The following COL8A2 variants were observed in gnomAD, a reference collection of about 807,000 sequenced individuals.
The protein encoded by COL8A2 is collagen alpha-2(VIII) chain.
In COL8A2, 16 loss-of-function variants were observed where a neutral mutation model predicts 24.0. The observed-to-expected ratio is 0.67, with a 90% CI of 0.45 to 1.01. COL8A2 has a LOEUF of 1.01. Ranked by LOEUF, COL8A2 falls within the 50% of genes least tolerant of loss-of-function variation. The pLI, the probability that COL8A2 is intolerant of heterozygous loss-of-function variation, is 0.00. For synonymous variants in COL8A2, 466 were observed against 424.5 expected (o/e 1.10, Z -1.20); for missense variants, 818 against 942.4 (o/e 0.87, Z 1.73).
chr1:36,099,804 G>A (rs565499057), intron 3 of COL8A2, among the ~76,000 whole-genome samples: 2 of 152,296 alleles, frequency 1.3e-5, no homozygotes, highest in East Asian at 3.9e-4. Flanking sequence ...GCCCACCTTA[G>A]AGCCCGTGGG....
At position 36,115,553 on chromosome 1, in the gene COL8A2, G is replaced by A. The variant is rs529622306; in HGVS notation, c.-17+155C>T. ...AGGGTTTTAAAGCCCGGGCTGCAGG[G>A]AGCTGAGGTCACATACAAAAGGGGT... is the stretch of plus-strand genomic sequence containing the variant. On this transcript the variant is annotated intron_variant, in intron 2 of 3. Coordinates refer to ENST00000397799, the MANE Select transcript of COL8A2 (RefSeq NM_005202.4). The surrounding 1 kb of genome is among the most constrained non-coding windows in gnomAD (Gnocchi z 5.7). Among the ~76,000 whole-genome samples, 6 of 152,322 alleles carry A rather than the reference G, an allele frequency of 3.9e-5. No individual in the cohort carries two copies. The East Asian group carries it at 9.6e-4, about 24-fold the overall frequency.
intron 1 of COL8A2, among the ~76,000 whole-genome samples, chr1:36,117,663 T>C (rs952881105): frequency 6.6e-6 from 1 of 152,116 alleles, no homozygotes; most frequent in Non-Finnish European, 1.5e-5. Flanking sequence ...ATCTTCCCTT[T>C]TTACAGATGA....
chr1:36,106,277 A>AC (rs1253134410), intron 2 of COL8A2, among the ~76,000 whole-genome samples: 14 of 150,040 alleles, frequency 9.3e-5, no homozygotes, highest in Admixed American at 9.3e-4. Flanking sequence ...AAAAACAACA[A>AC]AAAAAAAAAC....
Position 36,097,487 on chromosome 1 carries a change from T to C in COL8A2, c.*82A>G. The C allele has an allele frequency of 8.3e-7, 1 of 1,204,810 alleles. No individual in the cohort carries two copies. The highest frequency in any genetic ancestry group is 2.9e-4 in the Middle Eastern group (1 of 3,424). The allele number at this position is 1,204,810 out of a possible 1,614,324, so 74.6% of individuals were successfully genotyped here. A position where few individuals can be genotyped will look rare whatever the true frequency, so the allele number is the denominator to read the frequency against. On this transcript the variant is annotated 3_prime_UTR_variant, in exon 4 of 4. Transcript: ENST00000397799. ...GCCTCTGTTCAGCTTTTGTTTTTTT[T>C]TCCAGGAGGTTCTTTGTAATTGAAA...
In COL8A2 at chr1:36,123,647, C is replaced by T. The variant is rs983843414; in HGVS notation, c.-62+1410G>A. Among the ~76,000 whole-genome samples the T allele has an allele frequency of 1.3e-5, 2 of 151,972 alleles. No individual in the cohort carries two copies. The highest frequency in any genetic ancestry group is 2.1e-4 in the South Asian group (1 of 4,812). On this transcript the variant is annotated intron_variant, in intron 1 of 3. Transcript: ENST00000397799. The surrounding 1 kb of genome is among the most constrained non-coding windows in gnomAD (Gnocchi z 4.1). Reference sequence around the variant, plus strand: ...GAGTTTGGGTGTGTGTGCATGTGTCCGCCTGTGTCTTGTGGTGGTGTATGT... The same window carrying T: ...GAGTTTGGGTGTGTGTGCATGTGTCTGCCTGTGTCTTGTGGTGGTGTATGT...
chr1:36,102,958 C>G (rs577876753), intron 2 of COL8A2, among the ~76,000 whole-genome samples: 1 of 152,136 alleles, frequency 6.6e-6, no homozygotes, highest in Non-Finnish European at 1.5e-5. Context: ...CAGGCATGAG[C>G]CACTGCACCC....
At chr1:36,102,677 T>TG (rs1462724797) in intron 2 of COL8A2, among the ~76,000 whole-genome samples, 3 of 136,692 alleles carry the variant, frequency 2.2e-5, no homozygotes, top group East Asian at 2.0e-4. Flanking sequence ...TTTTGTTTTT[T>TG]TTTTTTTTTT....
chr1:36,105,559 G>A (rs549759005), intron 2 of COL8A2, among the ~76,000 whole-genome samples: 5 of 152,316 alleles, frequency 3.3e-5, no homozygotes, highest in African/African-American at 7.2e-5. Flanking sequence ...CTGACCCACC[G>A]GGGAATGCTG....
intron 1 of COL8A2, among the ~76,000 whole-genome samples, chr1:36,122,291 C>T (rs1215505047): frequency 6.6e-6 from 1 of 152,174 alleles, no homozygotes; most frequent in Non-Finnish European, 1.5e-5. Context: ...ATCTGTCTGA[C>T]TCCCAATGCC....
In COL8A2 at chr1:36,123,795, C is replaced by T. The variant is rs549661287; in HGVS notation, c.-62+1262G>A. Among the ~76,000 whole-genome samples the T allele has an allele frequency of 6.6e-6, 1 of 152,230 alleles. No homozygotes were observed. Among genetic ancestry groups the T allele is most frequent in the Admixed American group, 6.5e-5 (1 of 15,290 alleles). ...GGTGAGCATGTCTGTGGTTTCTCCT[C>T]ATTATCATCTAGGGTCATTGTGTGT... On this transcript the variant is annotated intron_variant, in intron 1 of 3. Coordinates refer to ENST00000397799, the MANE Select transcript of COL8A2 (RefSeq NM_005202.4). The surrounding 1 kb of genome is among the most constrained non-coding windows in gnomAD (Gnocchi z 4.1).
chr1:36,101,596 C>T (rs1259450917), intron 2 of COL8A2, among the ~76,000 whole-genome samples: 1 of 152,170 alleles, frequency 6.6e-6, no homozygotes, highest in East Asian at 1.9e-4. Flanking sequence ...TCTCCTCATC[C>T]ATGAAATGAG....
intron 2 of COL8A2, among the ~76,000 whole-genome samples, chr1:36,104,534 G>A (rs924344187): frequency 6.6e-6 from 1 of 150,904 alleles, no homozygotes; most frequent in Non-Finnish European, 1.5e-5. Context: ...TAGGCTGGAC[G>A]CGGTGGCTCA....
rs994038680 is a variant in COL8A2 at position 36,096,741 on chromosome 1, T to C, written c.*828A>G. On this transcript the variant is annotated 3_prime_UTR_variant, in exon 4 of 4. Transcript: ENST00000397799. ...TGCCTCCGCCACCATCTGCACTAGA[T>C]ACTTCTAGACACTTCACAGAGGTTG... is the stretch of plus-strand genomic sequence containing the variant. The C allele has an allele frequency of 1.3e-5, 2 of 152,276 alleles. No homozygotes were observed. The highest frequency in any genetic ancestry group is 6.5e-5 in the Admixed American group (1 of 15,282). The allele number at this position is 152,276 out of a possible 1,614,324, so 9.4% of individuals were successfully genotyped here.
In COL8A2 at chr1:36,098,301, A is replaced by G. The variant is rs1208991760; in HGVS notation, c.1380T>C (p.Gly460=). 1.3e-6 allele frequency: 2 copies of G among 1,546,244 alleles called. No individual in the cohort carries two copies. The highest frequency in any genetic ancestry group is 2.0e-5 in the Admixed American group (1 of 51,000). The part of the protein sequence containing the change: ...LGLPGQPGLR[G]PSGIPGLQGP... ...CCTGGAGTCCTGGGATTCCTGAGGG[A>G]CCCCTCAGGCCAGGCTGCCCAGGGA... The change falls in exon 4 of 4, where the codon GGT becomes GGC. Residue 460 remains glycine (G), a synonymous_variant. Coordinates refer to ENST00000397799, the MANE Select transcript of COL8A2 (RefSeq NM_005202.4).
Position 36,100,150 on chromosome 1 carries a change from C to G in COL8A2, c.93G>C (p.Gly31=). 1 of 1,612,548 alleles carries G rather than the reference C, an allele frequency of 6.2e-7. No homozygotes were observed. Among genetic ancestry groups the G allele is most frequent in the Non-Finnish European group, 8.5e-7 (1 of 1,179,544 alleles). The part of the protein sequence containing the change: ...GCGPRASSGG[G]AGGAAGYAPV... ...GGGCATAGCCCGCCGCCCCACCGGC[C>G]CCGCCACCAGAGGACGCCCGCGGCC... is the stretch of plus-strand genomic sequence containing the variant. The change falls in exon 3 of 4, where the codon GGG becomes GGC. Residue 31 remains glycine (G), a synonymous_variant. Transcript: ENST00000397799.
At chr1:36,104,645 A>G (rs2124085179) in intron 2 of COL8A2, among the ~76,000 whole-genome samples, 1 of 151,704 alleles carries the variant, frequency 6.6e-6, no homozygotes, top group South Asian at 2.1e-4. Flanking sequence ...AATACAAAAA[A>G]TTAGCCGGGT....
At position 36,115,616 on chromosome 1, in the gene COL8A2, G is replaced by A; in HGVS notation, c.-17+92C>T. On this transcript the variant is annotated intron_variant, in intron 2 of 3. Transcript: ENST00000397799. The surrounding 1 kb of genome is among the most constrained non-coding windows in gnomAD (Gnocchi z 5.7). ...TCTCTGGGCCTGGGAGGGGCTTCCG[G>A]TGCAGCAGGAGGGAGTGAGGTTAGA... is the stretch of plus-strand genomic sequence containing the variant. 1 of 742,330 alleles carries A rather than the reference G, an allele frequency of 1.3e-6. No homozygotes were observed. The highest frequency in any genetic ancestry group is 1.6e-6 in the Non-Finnish European group (1 of 607,948). The allele number at this position is 742,330 out of a possible 1,614,324, so 46.0% of individuals were successfully genotyped here. A position where few individuals can be genotyped will look rare whatever the true frequency, so the allele number is the denominator to read the frequency against.
In COL8A2 at chr1:36,098,310, G is replaced by A; in HGVS notation, c.1371C>T (p.Gly457=). The part of the protein sequence containing the change: ...KGDLGLPGQP[G]LRGPSGIPGL... ...CTGGGATTCCTGAGGGACCCCTCAGGCCAGGCTGCCCAGGGAGCCCCAAGT... is the reference window on the plus strand; with the variant it reads ...CTGGGATTCCTGAGGGACCCCTCAGACCAGGCTGCCCAGGGAGCCCCAAGT... The change falls in exon 4 of 4, where the codon GGC becomes GGT. Residue 457 remains glycine (G), a synonymous_variant. Transcript: ENST00000397799. 2 of 1,547,828 alleles carry A rather than the reference G, an allele frequency of 1.3e-6. No individual in the cohort carries two copies. The highest frequency in any genetic ancestry group is 1.4e-5 in the African/African-American group (1 of 72,974).
At chr1:36,107,948 CTT>C (rs951258146) in intron 2 of COL8A2, among the ~76,000 whole-genome samples, 2 of 152,094 alleles carry the variant, frequency 1.3e-5, no homozygotes, top group African/African-American at 2.4e-5. Flanking sequence ...CGTCATCGCT[CTT>C]GTTTCCCCCC....
Sources: gnomAD v4.1 joint callset for allele counts (sites outside exome capture counted in the v4.1 genomes callset) on GRCh38, gnomAD v4.1.1 for gene constraint, Gnocchi (gnomAD v3.1) non-coding constraint, MANE v1.5 for transcripts, NCBI Gene and HGNC (gene_info 2026-07-23, HGNC 2026-07-21) for gene names.